Variants in KDM4C observed in about 807,000 individuals in gnomAD.
KDM4C encodes lysine-specific demethylase 4C.
Under a neutral mutation model 129.3 loss-of-function variants are expected in KDM4C, and 81 were observed. The observed-to-expected ratio is 0.63, with a 90% CI of 0.52 to 0.75. KDM4C has a LOEUF of 0.75. Among genes scored for constraint, KDM4C ranks in the 30% least tolerant of loss-of-function variants. KDM4C has a pLI of 0.00. For missense variants in KDM4C, 1,457 were observed against 1,304.0 expected, an observed-to-expected ratio of 1.12 and a Z score of -1.81; for synonymous variants, 573 against 456.1, an observed-to-expected ratio of 1.26 and a Z score of -3.26.
rs186349296 is a variant in KDM4C at position 6,834,491 on chromosome 9, C to T, written c.436-15016C>T. 2.4e-4 allele frequency: 151 copies of T among 617,280 alleles called. 1 individual carries two copies. Among genetic ancestry groups the T allele is most frequent in the African/African-American group, 2.1e-3 (116 of 55,652 alleles). 38.2% of individuals were successfully genotyped at this position (617,280 alleles called of 1,614,324 possible). A position where few individuals can be genotyped will look rare whatever the true frequency, so the allele number is the denominator to read the frequency against. On this transcript the variant is annotated intron_variant, in intron 4 of 21. Coordinates refer to ENST00000381309, the MANE Select transcript of KDM4C (RefSeq NM_015061.6). ...ATATTGCTACGCCCGTCGTCGACAA[C>T]GGCTCCGGCATGTGGAAGGCTGGCT...
intron 19 of KDM4C, among the ~76,000 whole-genome samples, chr9:7,147,152 A>G (rs1441179250): frequency 6.6e-6 from 1 of 152,240 alleles, no homozygotes; most frequent in African/African-American, 2.4e-5. Context: ...ATTAATGAGA[A>G]AACCAGGACA....
intron 4 of KDM4C, among the ~76,000 whole-genome samples, chr9:6,823,938 C>G (rs556912588): frequency 6.6e-6 from 1 of 152,210 alleles, no homozygotes; most frequent in African/African-American, 2.4e-5. Flanking sequence ...CATTTTCACT[C>G]ATACTGATGG....
intron 6 of KDM4C, among the ~76,000 whole-genome samples, chr9:6,880,858 C>T (rs1156956414): frequency 6.6e-6 from 1 of 152,148 alleles, no homozygotes; most frequent in Non-Finnish European, 1.5e-5. Context: ...AGCAGAGTCA[C>T]ATTCACCCCC....
chr9:6,975,871 C>T (rs528477270), intron 8 of KDM4C, among the ~76,000 whole-genome samples: 4 of 152,144 alleles, frequency 2.6e-5, no homozygotes, highest in Non-Finnish European at 4.4e-5. Flanking sequence ...AACCCCGTCT[C>T]TACTAAAAAT....
At chr9:7,052,017 C>T (rs1444529435) in intron 17 of KDM4C, among the ~76,000 whole-genome samples, 1 of 152,102 alleles carries the variant, frequency 6.6e-6, no homozygotes, top group Non-Finnish European at 1.5e-5. Flanking sequence ...ATCCACGGGT[C>T]TACAGCGAAG....
chr9:6,832,339 C>T (rs891146757), intron 4 of KDM4C, among the ~76,000 whole-genome samples: 2 of 88,750 alleles, frequency 2.3e-5, no homozygotes, highest in African/African-American at 8.6e-5. Flanking sequence ...GACTCCGTCT[C>T]AAAAAAAAAA....
At chr9:6,958,403 G>T in intron 8 of KDM4C, among the ~76,000 whole-genome samples, 1 of 151,978 alleles carries the variant, frequency 6.6e-6, no homozygotes. Context: ...TGACCAACAT[G>T]GTGAAACCCT....
At chr9:6,757,626 C>CGCGCGTCGGAGGCCGCCATAGGT (rs1818443254), upstream of KDM4C, 4 of 985,352 alleles carry the variant, frequency 4.1e-6, no homozygotes, top group Non-Finnish European at 3.6e-6. Flanking sequence ...CGCTGACGTC[C>CGCGCGTCGGAGGCCGCCATAGGT]GCGCGTCGGA....
At chr9:7,105,980 C>T (rs551271191) in intron 18 of KDM4C, among the ~76,000 whole-genome samples, 11 of 152,224 alleles carry the variant, frequency 7.2e-5, no homozygotes, top group Middle Eastern at 3.4e-3. Flanking sequence ...TACAACATCA[C>T]GTGAGGCAGC....
intron 4 of KDM4C, among the ~76,000 whole-genome samples, chr9:6,817,751 A>G (rs1420963444): frequency 1.3e-5 from 2 of 150,548 alleles, no homozygotes; most frequent in Non-Finnish European, 2.9e-5. Flanking sequence ...AAGGTTATCA[A>G]ACAGGAATAA....
chr9:7,055,117 G>T (rs904893954), intron 17 of KDM4C, among the ~76,000 whole-genome samples: 2 of 152,150 alleles, frequency 1.3e-5, no homozygotes, highest in Non-Finnish European at 2.9e-5. Flanking sequence ...GGCGGAAGTT[G>T]CAGTGAACCG....
chr9:6,722,992 T>A (rs28718487), intron 1 of KDM4C, among the ~76,000 whole-genome samples: 17,074 of 151,034 alleles, frequency 0.11, 1,171 homozygotes, highest in African/African-American at 0.19. Context: ...AGCAATACAC[T>A]GTCTCATAAA....
chr9:6,878,532 T>C (rs892041866), intron 5 of KDM4C, among the ~76,000 whole-genome samples: 1 of 152,146 alleles, frequency 6.6e-6, no homozygotes, highest in Admixed American at 6.5e-5. Flanking sequence ...AAACTGAGGA[T>C]CAGAGTAGGA....
chr9:6,793,211 C>T (rs1052448035), intron 2 of KDM4C, 79 bp downstream of exon 2: 64 of 1,487,948 alleles, frequency 4.3e-5, no homozygotes, highest in Non-Finnish European at 5.7e-5. Context: ...CGATTTGGGA[C>T]ATTGTTTCTG....
At chr9:6,755,475 G>A (rs1319288603), upstream of KDM4C, among the ~76,000 whole-genome samples, 1 of 152,126 alleles carries the variant, frequency 6.6e-6, no homozygotes, top group African/African-American at 2.4e-5. Context: ...TTGAACCCGG[G>A]AGGTCAAGGC....
At chr9:7,065,888 C>G (rs1194702299) in intron 17 of KDM4C, among the ~76,000 whole-genome samples, 1 of 151,434 alleles carries the variant, frequency 6.6e-6, no homozygotes, top group African/African-American at 2.4e-5. Context: ...TTTGAAAAAG[C>G]AAAAGACAAA....
At chr9:6,885,775 T>C (rs79018767) in intron 6 of KDM4C, among the ~76,000 whole-genome samples, 8 of 152,312 alleles carry the variant, frequency 5.3e-5, no homozygotes, top group Non-Finnish European at 1.0e-4. Flanking sequence ...AGATGCGTTG[T>C]TTATGAAGTG....
At chr9:7,140,380 A>C (rs1481816859) in intron 19 of KDM4C, among the ~76,000 whole-genome samples, 1 of 152,038 alleles carries the variant, frequency 6.6e-6, no homozygotes, top group Non-Finnish European at 1.5e-5. Context: ...TTTTGCATGA[A>C]ATTAAAAGGG....
intron 8 of KDM4C, among the ~76,000 whole-genome samples, chr9:6,927,058 C>A (rs915061382): frequency 2.6e-5 from 4 of 151,968 alleles, no homozygotes; most frequent in Admixed American, 6.6e-5. Context: ...AGAAAATTAA[C>A]CCCTTAGATT....
Sources: allele counts gnomAD v4.1 joint callset (sites outside exome capture counted in the v4.1 genomes callset), GRCh38; gene constraint gnomAD v4.1.1; transcripts MANE v1.5; gene names NCBI Gene and HGNC (gene_info 2026-07-23, HGNC 2026-07-21).